Variants in KCNQ2 observed in about 807,000 individuals in gnomAD.
KCNQ2 encodes the protein potassium voltage-gated channel subfamily Q member 2.
KCNQ2 carries 14 observed loss-of-function variants against 84.8 expected under a neutral mutation model. The observed-to-expected ratio is 0.17, with a 90% CI of 0.11 to 0.26. KCNQ2 has a LOEUF of 0.26. Among genes scored for constraint, KCNQ2 ranks in the 10% least tolerant of loss-of-function variants. KCNQ2 has a pLI of 1.00. For synonymous variants in KCNQ2, 599 were observed against 554.1 expected, an observed-to-expected ratio of 1.08 and a Z score of -1.14; for missense variants, 788 against 1,254.0, an observed-to-expected ratio of 0.63 and a Z score of 5.61.
intron 3 of KCNQ2, 87 bp downstream of exon 3, chr20:63,445,151 C>G: frequency 6.3e-7 from 1 of 1,580,830 alleles, no homozygotes; most frequent in Non-Finnish European, 8.7e-7. Context: ...CTCTGGCCCA[C>G]GCAGACGCCC....
chr20:63,412,124 G>A (rs548973233), intron 15 of KCNQ2: 26 of 494,266 alleles, frequency 5.3e-5, no homozygotes, highest in South Asian at 5.0e-4. Context: ...GCGGAGACCC[G>A]GGTGCCACGT....
intron 1 of KCNQ2, chr20:63,447,931 C>T (rs2081482797): frequency 6.6e-6 from 1 of 152,272 alleles, no homozygotes; most frequent in Non-Finnish European, 1.5e-5. Context: ...CTGCATTCTC[C>T]TCTGATACAA....
At chr20:63,439,014 G>A (rs797018397) in intron 6 of KCNQ2, among the ~76,000 whole-genome samples, 35 of 152,328 alleles carry the variant, frequency 2.3e-4, no homozygotes, top group African/African-American at 8.2e-4. Context: ...TCAAGAGGAA[G>A]GAACCCTCTG....
intron 2 of KCNQ2, 171 bp from the exon 3 acceptor site, chr20:63,445,535 G>GCAACC (rs2081387487): frequency 3.0e-6 from 2 of 662,246 alleles, no homozygotes; most frequent in African/African-American, 3.7e-5. Flanking sequence ...TGGGCAGGAA[G>GCAACC]GGTTGGGCCC....
intron 7 of KCNQ2, among the ~76,000 whole-genome samples, chr20:63,437,187 G>C (rs745649502): frequency 6.6e-6 from 1 of 152,200 alleles, no homozygotes; most frequent in African/African-American, 2.4e-5. Context: ...GGTCCTCTGA[G>C]GTGCGCCTGT....
At chr20:63,410,002 T>C (rs1601554550) in intron 15 of KCNQ2, 1 of 287,140 alleles carries the variant, frequency 3.5e-6, no homozygotes, top group African/African-American at 2.3e-5. Context: ...AGGGGTGTTA[T>C]CTTCTTTCTG....
chr20:63,445,778 G>A (rs1438480601), intron 2 of KCNQ2, among the ~76,000 whole-genome samples: 5,389 of 104,176 alleles, frequency 0.052, 524 homozygotes, highest in Middle Eastern at 0.077. Flanking sequence ...TGTCTGAGCT[G>A]GGGGACCCTG....
chr20:63,470,615 C>A (rs12481658), intron 1 of KCNQ2, among the ~76,000 whole-genome samples: 13,846 of 152,278 alleles, frequency 0.091, 1,065 homozygotes, highest in East Asian at 0.45. Flanking sequence ...AAAGCAGAAC[C>A]AACCCTGGGT....
intron 1 of KCNQ2, among the ~76,000 whole-genome samples, chr20:63,461,899 CCAGGGAGCAGGGAGGAGG>C: frequency 7.4e-6 from 1 of 135,538 alleles, no homozygotes; most frequent in African/African-American, 2.9e-5. Flanking sequence ...TGCACCTACC[CCAGGGAGCAGGGAGGAGG>C]CTGCACCTAC....
intron 4 of KCNQ2, chr20:63,443,560 C>CACCATCACCATT (rs2081329152): frequency 6.6e-6 from 1 of 150,814 alleles, no homozygotes; most frequent in Non-Finnish European, 1.5e-5. Context: ...TCATGACCAT[C>CACCATCACCATT]ACCACCACCA....
intron 7 of KCNQ2, among the ~76,000 whole-genome samples, chr20:63,437,141 G>GT (rs1600745118): frequency 6.6e-6 from 1 of 152,244 alleles, no homozygotes; most frequent in East Asian, 1.9e-4. Context: ...CTTTATTGCC[G>GT]TATCTCTACC....
At position 63,442,722 on chromosome 20, in the gene KCNQ2, CCAT is replaced by C. The variant is rs879112469; in HGVS notation, c.691-194_691-192del. Among the ~76,000 whole-genome samples the C allele has an allele frequency of 6.4e-3, 402 of 63,256 alleles. 45 individuals are homozygous for C. Among genetic ancestry groups the C allele is most frequent in the African/African-American group, 0.019 (316 of 16,268 alleles). The allele number at this position is 63,256 out of a possible 152,430, so 41.5% of individuals were successfully genotyped here. ...ACCATCACCATCACCACCACCACCACCATCATCACCACCTCCACCATCACCACC... is the reference window on the plus strand; with the variant it reads ...ACCATCACCATCACCACCACCACCACCATCACCACCTCCACCATCACCACC... On this transcript the variant is annotated intron_variant, in intron 4 of 16. Transcript: ENST00000359125.
At position 63,447,839 on chromosome 20, in the gene KCNQ2, C is replaced by T. The variant is rs564896125; in HGVS notation, c.297-1002G>A. Reference sequence around the variant, plus strand: ...CTCGAACACCTGGGCTCAAGTGATGCTCCCGCCTCGGCCCCCCAAAGGGCT... The same window carrying T: ...CTCGAACACCTGGGCTCAAGTGATGTTCCCGCCTCGGCCCCCCAAAGGGCT... On this transcript the variant is annotated intron_variant, in intron 1 of 16. Coordinates refer to ENST00000359125, the MANE Select transcript of KCNQ2 (RefSeq NM_172107.4). 7.2e-5 allele frequency among the ~76,000 whole-genome samples: 11 copies of T among 152,310 alleles called. No individual in the cohort carries two copies. In the East Asian group the frequency reaches 2.1e-3, roughly 29 times the overall value.
intron 1 of KCNQ2, among the ~76,000 whole-genome samples, chr20:63,467,129 C>G (rs2082102138): frequency 6.6e-6 from 1 of 152,122 alleles, no homozygotes; most frequent in Non-Finnish European, 1.5e-5. Flanking sequence ...CTGGCCCCAG[C>G]CTCCCGTCAA....
rs181628764 is a variant in KCNQ2, at chr20:63,436,516, G to A, written c.1023+2109C>T. Among the ~76,000 whole-genome samples, 943 of 150,364 alleles carry A rather than the reference G, an allele frequency of 6.3e-3. 11 individuals carry two copies. Among genetic ancestry groups the A allele is most frequent in the African/African-American group, 0.022 (891 of 40,864 alleles). On this transcript the variant is annotated intron_variant, in intron 7 of 16. Transcript: ENST00000359125. ...ACTGCACTCCAGCCTGGGCAACAGA[G>A]CGAGACTCCGTCTCAAAAAAAAAAA...
intron 11 of KCNQ2, 47 bp downstream of exon 11, chr20:63,424,130 C>A: frequency 9.0e-6 from 14 of 1,549,568 alleles, no homozygotes; most frequent in Non-Finnish European, 1.2e-5. Flanking sequence ...AGAGACCAGA[C>A]GGCCGTGCAC....
In KCNQ2 at chr20:63,406,640, C is replaced by T. The variant is rs1801508; in HGVS notation, c.*4G>A. ...GCGGGCGGGTCCACTGGCCCAGCGCCGCCTCACTTCCTGGGCCCGGCCCAG... is the reference window on the plus strand; with the variant it reads ...GCGGGCGGGTCCACTGGCCCAGCGCTGCCTCACTTCCTGGGCCCGGCCCAG... On this transcript the variant is annotated 3_prime_UTR_variant, in exon 17 of 17. Transcript: ENST00000359125. The T allele has an allele frequency of 2.6e-3, 4,100 of 1,587,226 alleles. 5 individuals carry two copies. The highest frequency in any genetic ancestry group is 3.1e-3 in the Non-Finnish European group (3,682 of 1,172,102).
At chr20:63,417,468 G>A (rs2080331476) in intron 12 of KCNQ2, among the ~76,000 whole-genome samples, 1 of 152,262 alleles carries the variant, frequency 6.6e-6, no homozygotes, top group Non-Finnish European at 1.5e-5. Context: ...CACGGCAGCT[G>A]GCAAAGCACC....
Position 63,406,621 on chromosome 20 carries a change from G to T in KCNQ2, c.*23C>A, listed in dbSNP as rs371825912. On this transcript the variant is annotated 3_prime_UTR_variant, in exon 17 of 17. Coordinates refer to ENST00000359125, the MANE Select transcript of KCNQ2 (RefSeq NM_172107.4). ...CACCGTGCTGAGGAGGGCCGCGGGC[G>T]GGTCCACTGGCCCAGCGCCGCCTCA... 8.7e-4 allele frequency: 1,369 copies of T among 1,574,876 alleles called. 2 individuals are homozygous for T. Among genetic ancestry groups the T allele is most frequent in the Non-Finnish European group, 1.1e-3 (1,232 of 1,166,042 alleles).
Sources: allele counts gnomAD v4.1 joint callset (sites outside exome capture counted in the v4.1 genomes callset), GRCh38; gene constraint gnomAD v4.1.1; transcripts MANE v1.5; gene names NCBI Gene and HGNC (gene_info 2026-07-23, HGNC 2026-07-21).